SLC26A5: variants seen among roughly 807,000 people sequenced by gnomAD.
SLC26A5 encodes solute carrier family 26 member 5.
SLC26A5 carries 51 observed loss-of-function variants against 81.0 expected under a neutral mutation model. The ratio of observed to expected loss-of-function variants is 0.63; its 90% CI spans 0.50 to 0.80. The LOEUF (loss-of-function observed/expected upper bound fraction) is 0.80, where lower values mean the gene tolerates loss of function less well. SLC26A5 is among the 30% of genes least tolerant of loss of function. The pLI is 0.00. For synonymous variants in SLC26A5, 325 were observed against 332.8 expected, an observed-to-expected ratio of 0.98 and a Z score of 0.25; for missense variants, 771 against 905.8, an observed-to-expected ratio of 0.85 and a Z score of 1.91.
intron 14 of SLC26A5, among the ~76,000 whole-genome samples, chr7:103,384,188 T>C (rs1412374201): frequency 6.6e-6 from 1 of 152,096 alleles, no homozygotes; most frequent in African/African-American, 2.4e-5. Flanking sequence ...CTTATTATGT[T>C]GTCCAGGCTG....
chr7:103,436,048 T>C (rs186797221), intron 2 of SLC26A5, among the ~76,000 whole-genome samples: 1 of 152,294 alleles, frequency 6.6e-6, no homozygotes, highest in Admixed American at 6.5e-5. Context: ...GTATTTACCA[T>C]AACATGGTAA....
chr7:103,366,733 T>A (rs1820737847), intron 19 of SLC26A5, among the ~76,000 whole-genome samples: 1 of 152,242 alleles, frequency 6.6e-6, no homozygotes, highest in African/African-American at 2.4e-5. Context: ...GTGGTTTTTC[T>A]TAGTGCACAT....
intron 19 of SLC26A5, chr7:103,364,266 C>G: frequency 6.2e-7 from 1 of 1,614,072 alleles, no homozygotes; most frequent in Non-Finnish European, 8.5e-7. Context: ...GTGCTTCATT[C>G]GAGTTATTGG....
intron 8 of SLC26A5, among the ~76,000 whole-genome samples, chr7:103,399,484 C>T (rs1204657369): frequency 6.6e-6 from 1 of 152,176 alleles, no homozygotes; most frequent in Non-Finnish European, 1.5e-5. Flanking sequence ...GAAGGTATTG[C>T]TTCCTTGTGA....
At chr7:103,410,646 C>T in intron 6 of SLC26A5, 97 bp from the exon 7 acceptor site, 4 of 1,092,312 alleles carry the variant, frequency 3.7e-6, no homozygotes, top group South Asian at 3.0e-5. Flanking sequence ...TGACCATTTT[C>T]TTTTTTTTTT....
intron 8 of SLC26A5, among the ~76,000 whole-genome samples, chr7:103,406,751 G>C (rs1264988511): frequency 6.6e-6 from 1 of 152,134 alleles, no homozygotes. Flanking sequence ...TGCCTCCCAG[G>C]TTCAAGCAAT....
At chr7:103,352,847 C>A in exon 20 of SLC26A5, 1 of 780,896 alleles carries the variant, frequency 1.3e-6, no homozygotes, top group Non-Finnish European at 2.4e-6. Flanking sequence ...CCCTGTCCAC[C>A]TGGCCCCAAA....
intron 12 of SLC26A5, among the ~76,000 whole-genome samples, chr7:103,389,753 G>A (rs947723587): frequency 2.6e-5 from 4 of 152,054 alleles, no homozygotes; most frequent in African/African-American, 9.7e-5. Context: ...CTTCCCACTA[G>A]AATAGCTGAG....
At chr7:103,353,469 G>A (rs1211632185) in intron 19 of SLC26A5, among the ~76,000 whole-genome samples, 2 of 152,074 alleles carry the variant, frequency 1.3e-5, no homozygotes, top group East Asian at 1.9e-4. Flanking sequence ...ACCATGCCAG[G>A]CCAATTTTTG....
At chr7:103,379,143 C>A (rs114748925) in intron 16 of SLC26A5, 100 bp downstream of exon 16, 7 of 821,782 alleles carry the variant, frequency 8.5e-6, no homozygotes, top group Non-Finnish European at 1.5e-5. Flanking sequence ...AGAAACAAAG[C>A]GAGAATGAAA....
rs115759376 is a variant in SLC26A5 at position 103,395,897 on chromosome 7, C to T, written c.971+2035G>A. On this transcript the variant is annotated intron_variant, in intron 9 of 19. Coordinates refer to ENST00000306312, the MANE Select transcript of SLC26A5 (RefSeq NM_198999.3). ...AACATGGTTAGAAACTAAAAACTCA[C>T]TGAAATAACAGCCTTAGAACCCATT... Among the ~76,000 whole-genome samples the T allele has an allele frequency of 3.8e-3, 580 of 152,218 alleles. 1 individual carries two copies. Among genetic ancestry groups the T allele is most frequent in the African/African-American group, 0.014 (568 of 41,530 alleles).
chr7:103,386,093 AT>A (rs891138467), intron 14 of SLC26A5, among the ~76,000 whole-genome samples: 17 of 150,256 alleles, frequency 1.1e-4, no homozygotes, highest in South Asian at 8.5e-4. Flanking sequence ...ACACCCAGCT[AT>A]TTTTTTTTGT....
chr7:103,374,827 C>G (rs759369472), intron 19 of SLC26A5, among the ~76,000 whole-genome samples: 2 of 150,928 alleles, frequency 1.3e-5, no homozygotes, highest in African/African-American at 2.4e-5. Flanking sequence ...TATTAAAATG[C>G]TATAGTAAAA....
intron 2 of SLC26A5, among the ~76,000 whole-genome samples, chr7:103,433,715 T>TC (rs1053550136): frequency 2.7e-5 from 4 of 149,404 alleles, no homozygotes; most frequent in African/African-American, 9.9e-5. Flanking sequence ...TTTTTTTTTT[T>TC]TTTTTGAGAC....
chr7:103,367,627 A>G lies in SLC26A5; in HGVS notation c.2041+9181T>C. 1.9e-6 allele frequency: 3 copies of G among 1,612,256 alleles called. No individual in the cohort carries two copies. Among genetic ancestry groups the G allele is most frequent in the Non-Finnish European group, 2.5e-6 (3 of 1,179,072 alleles). ...TGCCCGATCTAGAGGTAAGAAAACC[A>G]TTTCATTTTAGGAAAGGGATTTTTG... On this transcript the variant is annotated intron_variant, in intron 19 of 19. Coordinates refer to the SLC26A5 transcript ENST00000339444. The surrounding 1 kb of genome is among the most constrained non-coding windows in gnomAD (Gnocchi z 6.1).
At position 103,423,780 on chromosome 7, in the gene SLC26A5, A is replaced by G. The variant is rs112436332; in HGVS notation, c.-53-2213T>C. On this transcript the variant is annotated intron_variant, in intron 2 of 19. Coordinates refer to ENST00000306312, the MANE Select transcript of SLC26A5 (RefSeq NM_198999.3). ...GAGAAATAAATTTCTATTGTTTATA[A>G]ATTTCTGTCTGTGGTATTTTGTTAT... 3.0e-3 allele frequency among the ~76,000 whole-genome samples: 458 copies of G among 152,290 alleles called. 2 individuals are homozygous for G. Among genetic ancestry groups the G allele is most frequent in the Non-Finnish European group, 4.3e-3 (291 of 68,032 alleles).
chr7:103,412,398 A>G (rs1824555321), intron 5 of SLC26A5, among the ~76,000 whole-genome samples: 1 of 152,184 alleles, frequency 6.6e-6, no homozygotes, highest in Admixed American at 6.5e-5. Context: ...AAAAACCAGA[A>G]GCTGGCAAAT....
rs757215054 is a variant in SLC26A5 at position 103,369,031 on chromosome 7, T to G, written c.2041+7777A>C. 3.3e-5 allele frequency: 5 copies of G among 152,300 alleles called. No individual in the cohort carries two copies. The South Asian group carries it at 6.2e-4, about 19-fold the overall frequency. The allele number at this position is 152,300 out of a possible 1,614,324, so 9.4% of individuals were successfully genotyped here. A position where few individuals can be genotyped will look rare whatever the true frequency, so the allele number is the denominator to read the frequency against. ...AGACCAAAGCACAATAATGAATATTTTTATTGAAGTTCGATATTCATAAAT... is the reference window on the plus strand; with the variant it reads ...AGACCAAAGCACAATAATGAATATTGTTATTGAAGTTCGATATTCATAAAT... On this transcript the variant is annotated intron_variant, in intron 19 of 19. Coordinates refer to the SLC26A5 transcript ENST00000339444.
At chr7:103,379,034 A>G (rs576976226) in intron 16 of SLC26A5, among the ~76,000 whole-genome samples, 1 of 152,334 alleles carries the variant, frequency 6.6e-6, no homozygotes, top group East Asian at 1.9e-4. Flanking sequence ...TGGCTGCACA[A>G]TGTTTATGTA....
Sources: allele counts gnomAD v4.1 joint callset (sites outside exome capture counted in the v4.1 genomes callset), GRCh38; gene constraint gnomAD v4.1.1; non-coding constraint Gnocchi (gnomAD v3.1); transcripts MANE v1.5; gene names NCBI Gene and HGNC (gene_info 2026-07-23, HGNC 2026-07-21).